MATCAP2: variants seen among roughly 807,000 people sequenced by gnomAD.
MATCAP2 encodes the protein microtubule associated tyrosine carboxypeptidase 2, also known as putative tyrosine carboxypeptidase MATCAP2.
the MATCAP2 span, among the ~76,000 whole-genome samples, chr7:36,332,217 T>C: frequency 4.6e-5 from 7 of 152,152 alleles, no homozygotes; most frequent in Non-Finnish European, 7.3e-5. Context: ...ATGGAAGCCC[T>C]GTGCATCTGG....
the MATCAP2 span, among the ~76,000 whole-genome samples, chr7:36,386,931 G>A: frequency 6.6e-6 from 1 of 152,136 alleles, no homozygotes; most frequent in Non-Finnish European, 1.5e-5. Context: ...AGTTTTGCAT[G>A]TGCATATAAA....
the MATCAP2 span, among the ~76,000 whole-genome samples, chr7:36,383,484 TA>T: frequency 6.6e-6 from 1 of 152,038 alleles, no homozygotes; most frequent in Non-Finnish European, 1.5e-5. Flanking sequence ...TATGCAGCCA[TA>T]AAAAAGGATG....
chr7:36,363,416 A>G, the MATCAP2 span, among the ~76,000 whole-genome samples: 4 of 152,226 alleles, frequency 2.6e-5, no homozygotes, highest in Non-Finnish European at 5.9e-5. Flanking sequence ...AATGAACTAG[A>G]TGCGTTCTAT....
At chr7:36,387,813 G>A in the MATCAP2 span, among the ~76,000 whole-genome samples, 1 of 152,132 alleles carries the variant, frequency 6.6e-6, no homozygotes, top group Non-Finnish European at 1.5e-5. Context: ...GCTCATAGAA[G>A]TGATAGCCAG....
the MATCAP2 span, chr7:36,326,725 G>A: frequency 6.4e-7 from 1 of 1,566,708 alleles, no homozygotes; most frequent in Non-Finnish European, 8.7e-7. Flanking sequence ...ATACATGGAG[G>A]CATAGCTTAG....
At chr7:36,349,367 TAAAAA>T in the MATCAP2 span, among the ~76,000 whole-genome samples, 1 of 152,090 alleles carries the variant, frequency 6.6e-6, no homozygotes, top group Non-Finnish European at 1.5e-5. Context: ...AGAATTGTAA[TAAAAA>T]GAAACAAACC....
the MATCAP2 span, among the ~76,000 whole-genome samples, chr7:36,335,628 A>G: frequency 6.6e-6 from 1 of 152,248 alleles, no homozygotes; most frequent in African/African-American, 2.4e-5. Flanking sequence ...TAATCCCACA[A>G]GTTATACAGA....
chr7:36,347,049 G>A, the MATCAP2 span, among the ~76,000 whole-genome samples: 3 of 152,160 alleles, frequency 2.0e-5, no homozygotes, highest in Admixed American at 6.5e-5. Flanking sequence ...CTGAGCCACC[G>A]TGTCCGGTCT....
At chr7:36,369,096 A>G in the MATCAP2 span, among the ~76,000 whole-genome samples, 1 of 152,184 alleles carries the variant, frequency 6.6e-6, no homozygotes. Context: ...CCACAAGTGC[A>G]GTGATTTTTG....
the MATCAP2 span, among the ~76,000 whole-genome samples, chr7:36,333,478 G>A: frequency 6.6e-6 from 1 of 151,876 alleles, no homozygotes; most frequent in African/African-American, 2.4e-5. Context: ...AAAAATCACT[G>A]AACTCTACAT....
At chr7:36,365,388 G>A in the MATCAP2 span, among the ~76,000 whole-genome samples, 1 of 152,112 alleles carries the variant, frequency 6.6e-6, no homozygotes, top group South Asian at 2.1e-4. Context: ...CCACAAGGAA[G>A]AACTATCTTG....
chr7:36,325,856 C>T, the MATCAP2 span: 1 of 151,896 alleles, frequency 6.6e-6, no homozygotes, highest in Admixed American at 6.6e-5. Context: ...TTTCTTTTTT[C>T]AGAGCATGGT....
chr7:36,366,862 G>T, the MATCAP2 span: 1 of 1,499,082 alleles, frequency 6.7e-7, no homozygotes, highest in Non-Finnish European at 8.8e-7. Context: ...CCCGGGCGGC[G>T]GGACCCCGGT....
chr7:36,327,380 C>T, the MATCAP2 span, among the ~76,000 whole-genome samples: 1 of 152,134 alleles, frequency 6.6e-6, no homozygotes, highest in Non-Finnish European at 1.5e-5. Context: ...GGTGATCCAC[C>T]CACCTTGGCC....
chr7:36,367,963 G>T, the MATCAP2 span, among the ~76,000 whole-genome samples: 6 of 152,060 alleles, frequency 3.9e-5, no homozygotes, highest in African/African-American at 1.4e-4. Flanking sequence ...TACTCGGGAG[G>T]CCGAGGTGGG....
the MATCAP2 span, chr7:36,331,082 G>T: frequency 3.8e-6 from 6 of 1,580,950 alleles, no homozygotes; most frequent in Admixed American, 1.0e-4. Context: ...AAAACACCCT[G>T]GAGGAACCAG....
chr7:36,327,533 T>C, the MATCAP2 span, among the ~76,000 whole-genome samples: 2 of 152,220 alleles, frequency 1.3e-5, no homozygotes, highest in African/African-American at 2.4e-5. Context: ...TATATTTGTG[T>C]GTGAGAGAGA....
chr7:36,380,268 C>T, the MATCAP2 span, among the ~76,000 whole-genome samples: 1 of 152,150 alleles, frequency 6.6e-6, no homozygotes, highest in Admixed American at 6.5e-5. Flanking sequence ...TGGCACTGAA[C>T]ACTAAGCAAA....
chr7:36,389,950 ACT>A, the MATCAP2 span: 6 of 1,613,740 alleles, frequency 3.7e-6, no homozygotes, highest in Non-Finnish European at 5.1e-6. Flanking sequence ...CAGGAGACAC[ACT>A]GAGCTGAGAC....
Sources: allele counts gnomAD v4.1 joint callset (sites outside exome capture counted in the v4.1 genomes callset), GRCh38; gene constraint gnomAD v4.1.1; transcripts MANE v1.5; gene names NCBI Gene and HGNC (gene_info 2026-07-23, HGNC 2026-07-21).